The following AGBL4 variants were observed in gnomAD, a reference collection of about 807,000 sequenced individuals.
The protein encoded by AGBL4 is AGBL carboxypeptidase 4.
In AGBL4, 58 loss-of-function variants were observed where a neutral mutation model predicts 66.4. The ratio of observed to expected loss-of-function variants is 0.87; its 90% CI spans 0.71 to 1.09. The LOEUF (loss-of-function observed/expected upper bound fraction) is 1.09, where lower values mean the gene tolerates loss of function less well. AGBL4 is among the 50% of genes least tolerant of loss of function. The pLI is 0.00. For synonymous variants in AGBL4, 234 were observed against 222.9 expected (o/e 1.05, Z -0.44); for missense variants, 579 against 631.0 (o/e 0.92, Z 0.88).
chr1:49,817,601 C>T (rs183706624), intron 2 of AGBL4, among the ~76,000 whole-genome samples: 2 of 151,964 alleles, frequency 1.3e-5, no homozygotes, highest in Admixed American at 6.6e-5. Context: ...AAATATTATC[C>T]CATACTTTTG....
intron 3 of AGBL4, among the ~76,000 whole-genome samples, chr1:49,552,670 G>C (rs992117114): frequency 6.6e-6 from 1 of 152,154 alleles, no homozygotes; most frequent in African/African-American, 2.4e-5. Context: ...TCTGGGTCCT[G>C]GAGTAGCAGT....
chr1:49,563,107 G>A (rs1041245373), intron 3 of AGBL4, among the ~76,000 whole-genome samples: 1 of 151,902 alleles, frequency 6.6e-6, no homozygotes, highest in Non-Finnish European at 1.5e-5. Flanking sequence ...TTGGCTCTCT[G>A]TTTGTCTGTT....
At chr1:48,686,546 A>T (rs557539756) in intron 6 of AGBL4, among the ~76,000 whole-genome samples, 84 of 152,356 alleles carry the variant, frequency 5.5e-4, no homozygotes, top group Non-Finnish European at 1.0e-3. Context: ...GTAGAAAGAT[A>T]ACAGAAAGGA....
chr1:49,846,179 T>C, intron 2 of AGBL4: 1 of 1,450,618 alleles, frequency 6.9e-7, no homozygotes, highest in South Asian at 1.1e-5. Context: ...GTGTGGGAAA[T>C]CCTTCAACCA....
chr1:49,482,131 T>G (rs970505470), intron 3 of AGBL4, among the ~76,000 whole-genome samples: 78 of 151,966 alleles, frequency 5.1e-4, no homozygotes, highest in African/African-American at 1.8e-3. Flanking sequence ...AGGATGATGC[T>G]GGCCTCATAG....
intron 5 of AGBL4, among the ~76,000 whole-genome samples, chr1:49,004,365 G>C (rs965926122): frequency 1.3e-5 from 2 of 152,172 alleles, no homozygotes; most frequent in African/African-American, 4.8e-5. Context: ...GGTATGATAG[G>C]CATATTAAAG....
intron 6 of AGBL4, chr1:48,761,475 A>G (rs1190482953): frequency 3.2e-6 from 5 of 1,549,576 alleles, no homozygotes; most frequent in Non-Finnish European, 2.6e-6. Context: ...TGTCTTCTAA[A>G]ATGCATATCA....
intron 3 of AGBL4, among the ~76,000 whole-genome samples, chr1:49,539,371 AT>A (rs1651838269): frequency 6.6e-6 from 1 of 152,172 alleles, no homozygotes; most frequent in Non-Finnish European, 1.5e-5. Flanking sequence ...AGAGCATGTT[AT>A]TTGATCAAAA....
chr1:49,530,281 A>AAAAAAAAAAAAAAAAAAAAAAAT (rs1370165803), intron 3 of AGBL4, among the ~76,000 whole-genome samples: 2 of 148,020 alleles, frequency 1.4e-5, no homozygotes, highest in African/African-American at 2.5e-5. Flanking sequence ...AACAAAAAAA[A>AAAAAAAAAAAAAAAAAAAAAAAT]ACTCTATGAG....
intron 5 of AGBL4, among the ~76,000 whole-genome samples, chr1:48,987,157 C>G (rs1660242515): frequency 6.6e-6 from 1 of 151,240 alleles, no homozygotes; most frequent in Admixed American, 6.6e-5. Context: ...AAAGAGAAAA[C>G]AGAAACAAAG....
intron 3 of AGBL4, among the ~76,000 whole-genome samples, chr1:49,613,027 C>A (rs909049669): frequency 6.6e-6 from 1 of 152,124 alleles, no homozygotes; most frequent in Non-Finnish European, 1.5e-5. Flanking sequence ...TGTACATATA[C>A]ATCATGGAAT....
chr1:49,032,410 G>T (rs1410061446), intron 5 of AGBL4, among the ~76,000 whole-genome samples: 1 of 152,152 alleles, frequency 6.6e-6, no homozygotes, highest in South Asian at 2.1e-4. Flanking sequence ...GTGGCAGGGG[G>T]TTGTATAGGC....
chr1:49,211,762 T>A (rs995822381), intron 4 of AGBL4, among the ~76,000 whole-genome samples: 3 of 152,184 alleles, frequency 2.0e-5, no homozygotes, highest in African/African-American at 7.2e-5. Context: ...TAAGAACTGC[T>A]ATAAACACAG....
intron 4 of AGBL4, among the ~76,000 whole-genome samples, chr1:49,226,491 T>C (rs1223474255): frequency 6.6e-6 from 1 of 152,182 alleles, no homozygotes; most frequent in Non-Finnish European, 1.5e-5. Flanking sequence ...CAAATCTCTA[T>C]ACCCTTCCTT....
At chr1:48,699,707 T>C (rs988340664) in intron 6 of AGBL4, among the ~76,000 whole-genome samples, 4 of 152,224 alleles carry the variant, frequency 2.6e-5, no homozygotes, top group African/African-American at 4.8e-5. Context: ...GTGAGCAGCA[T>C]TGAACCTCAG....
At chr1:49,265,879 G>C (rs1643909415) in intron 3 of AGBL4, among the ~76,000 whole-genome samples, 1 of 152,010 alleles carries the variant, frequency 6.6e-6, no homozygotes, top group African/African-American at 2.4e-5. Context: ...ATGTATGTAA[G>C]GATATAGAGA....
intron 2 of AGBL4, among the ~76,000 whole-genome samples, chr1:49,745,047 T>C (rs1650876369): frequency 6.6e-6 from 1 of 152,022 alleles, no homozygotes; most frequent in Non-Finnish European, 1.5e-5. Flanking sequence ...TGACGAGATA[T>C]AAATTCTACT....
chr1:49,179,892 A>AT lies in AGBL4; in HGVS notation c.377+65877dup, dbSNP rs917388338. 6.0e-5 allele frequency among the ~76,000 whole-genome samples: 9 copies of AT among 151,244 alleles called. No homozygotes were observed. The South Asian group carries it at 1.0e-3, about 18-fold the overall frequency. The stretch of plus-strand genomic sequence containing the variant: ...CTTTGGACAGTTACTTAACATCTTT[A>AT]TTTTTTTTATTTTTTTTTTATTTTT... On this transcript the variant is annotated intron_variant, in intron 4 of 13. Transcript: ENST00000371839.
At chr1:49,113,048 T>C (rs1645444420) in intron 4 of AGBL4, among the ~76,000 whole-genome samples, 1 of 151,464 alleles carries the variant, frequency 6.6e-6, no homozygotes, top group Non-Finnish European at 1.5e-5. Context: ...GCCTCCCAGG[T>C]TGCGCCATTC....
Sources: gnomAD v4.1 joint callset for allele counts (sites outside exome capture counted in the v4.1 genomes callset) on GRCh38, gnomAD v4.1.1 for gene constraint, MANE v1.5 for transcripts, NCBI Gene and HGNC (gene_info 2026-07-23, HGNC 2026-07-21) for gene names.